Variants in NRG1 observed in about 807,000 individuals in gnomAD.
The protein encoded by NRG1 is pro-neuregulin-1, membrane-bound isoform.
A neutral mutation model predicts 63.8 loss-of-function variants in NRG1; 18 were observed. That is an observed-to-expected ratio of 0.28 (90% CI 0.19 to 0.42). NRG1 has a LOEUF of 0.42. Among genes scored for constraint, NRG1 ranks in the 10% least tolerant of loss-of-function variants. The pLI is 1.00. For synonymous variants in NRG1, 302 were observed against 301.3 expected (o/e 1.00, Z -0.02); for missense variants, 762 against 814.7 (o/e 0.94, Z 0.79).
At chr8:31,999,282 A>C (rs1812536497) in intron 1 of NRG1, among the ~76,000 whole-genome samples, 1 of 152,002 alleles carries the variant, frequency 6.6e-6, no homozygotes, top group South Asian at 2.1e-4. Flanking sequence ...TATGATTAAG[A>C]ATTTAATGAT....
chr8:32,511,339 G>T (rs987196463), intron 1 of NRG1, among the ~76,000 whole-genome samples: 1 of 143,012 alleles, frequency 7.0e-6, no homozygotes, highest in African/African-American at 2.6e-5. Context: ...ATATGTGTGT[G>T]TGTGTGTCTG....
intron 1 of NRG1, among the ~76,000 whole-genome samples, chr8:31,655,359 A>T (rs1585433640): frequency 6.6e-6 from 1 of 152,224 alleles, no homozygotes; most frequent in Admixed American, 6.5e-5. Context: ...GGTCCCAGCC[A>T]GGTGAACATA....
downstream of NRG1, among the ~76,000 whole-genome samples, chr8:32,772,919 G>A (rs1439483035): frequency 6.6e-6 from 1 of 152,030 alleles, no homozygotes; most frequent in Non-Finnish European, 1.5e-5. Flanking sequence ...TCACTCAAGA[G>A]TCTCCCCCAC....
intron 1 of NRG1, among the ~76,000 whole-genome samples, chr8:31,770,467 T>A (rs1818497823): frequency 6.6e-6 from 1 of 152,010 alleles, no homozygotes; most frequent in South Asian, 2.1e-4. Context: ...TAGTATTCCA[T>A]GGTGTAGGAT....
At chr8:32,290,797 A>G (rs1326383051) in intron 1 of NRG1, among the ~76,000 whole-genome samples, 1 of 152,060 alleles carries the variant, frequency 6.6e-6, no homozygotes. Flanking sequence ...TCTTATGTCT[A>G]TTCTATTGAG....
chr8:32,378,290 CTG>C (rs1265153771), intron 1 of NRG1, among the ~76,000 whole-genome samples: 1 of 152,162 alleles, frequency 6.6e-6, no homozygotes, highest in African/African-American at 2.4e-5. Flanking sequence ...GAGCACCAAA[CTG>C]TGCATTGTAC....
chr8:32,098,355 G>A (rs769536063), intron 1 of NRG1, among the ~76,000 whole-genome samples: 3 of 152,264 alleles, frequency 2.0e-5, no homozygotes, highest in Admixed American at 6.5e-5. Context: ...TGCCTGGCAC[G>A]CAAGTTTTGG....
chr8:32,741,924 A>G, intron 6 of NRG1, 84 bp from the exon 7 acceptor site: 1 of 962,672 alleles, frequency 1.0e-6, no homozygotes, highest in Non-Finnish European at 1.7e-6. Flanking sequence ...AGGAATCTCC[A>G]TATTCCATAG....
rs562728140 is a variant in NRG1, at chr8:31,803,789, C to T, written c.37+164358C>T. Among the ~76,000 whole-genome samples the T allele has an allele frequency of 3.2e-4, 48 of 152,272 alleles. No homozygotes were observed. The South Asian group carries it at 9.1e-3, about 29-fold the overall frequency. On this transcript the variant is annotated intron_variant, in intron 1 of 10. Transcript: ENST00000519301. ...TAAAGGGTCTACTTGATCAGTGTAT[C>T]GCCTTTCTCTAGAACTTAATCTACC...
chr8:31,769,083 T>C (rs1330804272), intron 1 of NRG1, among the ~76,000 whole-genome samples: 1 of 152,204 alleles, frequency 6.6e-6, no homozygotes, highest in African/African-American at 2.4e-5. Flanking sequence ...GCTTTAAAAA[T>C]TTCTCAACAT....
At chr8:32,679,388 C>A (rs1386237201) in intron 5 of NRG1, among the ~76,000 whole-genome samples, 2 of 152,078 alleles carry the variant, frequency 1.3e-5, no homozygotes, top group African/African-American at 4.8e-5. Flanking sequence ...GCAGCTTTTG[C>A]AAATTGAAAA....
At chr8:31,940,919 C>A (rs1231735783) in intron 1 of NRG1, among the ~76,000 whole-genome samples, 3 of 151,812 alleles carry the variant, frequency 2.0e-5, no homozygotes, top group Non-Finnish European at 2.9e-5. Flanking sequence ...AAATTGCCAA[C>A]AACAAAAAAA....
intron 1 of NRG1, among the ~76,000 whole-genome samples, chr8:32,346,503 C>T (rs1031244329): frequency 1.5e-4 from 23 of 151,292 alleles, no homozygotes; most frequent in African/African-American, 5.6e-4. Flanking sequence ...TACTACAGCC[C>T]CAGAATGGAA....
intron 1 of NRG1, among the ~76,000 whole-genome samples, chr8:32,105,992 A>G (rs1009696380): frequency 5.3e-5 from 8 of 152,172 alleles, no homozygotes; most frequent in African/African-American, 1.9e-4. Flanking sequence ...GCCATTCTTG[A>G]TGTGCCACTA....
intron 1 of NRG1, among the ~76,000 whole-genome samples, chr8:32,481,177 C>CT (rs1825225842): frequency 1.3e-5 from 2 of 151,830 alleles, no homozygotes; most frequent in Non-Finnish European, 2.9e-5. Context: ...AATCTCATCT[C>CT]TAAAAAAATA....
intron 1 of NRG1, among the ~76,000 whole-genome samples, chr8:32,022,843 T>C (rs1425538306): frequency 1.3e-5 from 2 of 152,322 alleles, no homozygotes; most frequent in African/African-American, 4.8e-5. Context: ...CACTTAATCA[T>C]TGAACCACAG....
chr8:31,760,539 C>T (rs1238070065), intron 1 of NRG1, among the ~76,000 whole-genome samples: 8 of 152,122 alleles, frequency 5.3e-5, no homozygotes, highest in South Asian at 2.1e-4. Context: ...AGAAAATTTT[C>T]GCAACCTACT....
At chr8:31,716,316 G>T (rs1394441071) in intron 1 of NRG1, among the ~76,000 whole-genome samples, 1 of 152,118 alleles carries the variant, frequency 6.6e-6, no homozygotes, top group Non-Finnish European at 1.5e-5. Flanking sequence ...TTTGCATGAT[G>T]CTGACCAAGT....
rs572539853 is a variant in NRG1, at chr8:32,516,901, G to A, written c.38-78927G>A. 6.6e-5 allele frequency among the ~76,000 whole-genome samples: 10 copies of A among 152,244 alleles called. No individual in the cohort carries two copies. In the South Asian group the frequency reaches 1.5e-3, roughly 22 times the overall value. ...TGAAAGAATAGCAATTCATGGTTTT[G>A]TTTGGTCAGCAACTACTGCACCCTA... On this transcript the variant is annotated intron_variant, in intron 1 of 10. Transcript: ENST00000519301.
Sources: gnomAD v4.1 joint callset for allele counts (sites outside exome capture counted in the v4.1 genomes callset) on GRCh38, gnomAD v4.1.1 for gene constraint, MANE v1.5 for transcripts, NCBI Gene and HGNC (gene_info 2026-07-23, HGNC 2026-07-21) for gene names.